FREM1: variants seen among roughly 807,000 people sequenced by gnomAD.
FREM1 encodes FRAS1-related extracellular matrix protein 1.
Under a neutral mutation model 210.1 loss-of-function variants are expected in FREM1, and 220 were observed. The observed-to-expected ratio is 1.05, with a 90% CI of 0.94 to 1.17. The LOEUF is 1.17. Among genes scored for constraint, FREM1 ranks in the 50% most tolerant of loss-of-function variants. FREM1 has a pLI of 0.00. For synonymous variants in FREM1, 1,189 were observed against 980.2 expected (o/e 1.21, Z -3.98); for missense variants, 3,454 against 2,675.5 (o/e 1.29, Z -6.42).
At chr9:14,799,047 T>C (rs1270286078) in intron 20 of FREM1, among the ~76,000 whole-genome samples, 1 of 151,726 alleles carries the variant, frequency 6.6e-6, no homozygotes, top group African/African-American at 2.4e-5. Context: ...GGAAGGCGAG[T>C]GCAGGAAAAT....
intron 24 of FREM1, chr9:14,782,329 C>A: frequency 3.1e-6 from 3 of 977,610 alleles, no homozygotes; most frequent in South Asian, 4.7e-5. Flanking sequence ...TCGTTTCATA[C>A]GGAGGTTTTG....
At chr9:14,806,878 A>G (rs1480014370) in intron 17 of FREM1, 32 bp from the exon 18 acceptor site, 4 of 1,437,406 alleles carry the variant, frequency 2.8e-6, no homozygotes, top group Non-Finnish European at 1.9e-6. Flanking sequence ...ATTACAACTT[A>G]GCATGAAATC....
At chr9:14,780,350 G>T (rs1849446570) in intron 24 of FREM1, among the ~76,000 whole-genome samples, 1 of 148,348 alleles carries the variant, frequency 6.7e-6, no homozygotes, top group South Asian at 2.2e-4. Context: ...GCATTGCCTG[G>T]CAATAGAGTT....
intron 21 of FREM1, among the ~76,000 whole-genome samples, chr9:14,794,397 C>T (rs1309349222): frequency 6.6e-6 from 1 of 152,200 alleles, no homozygotes; most frequent in Non-Finnish European, 1.5e-5. Flanking sequence ...AGGTTAAGGG[C>T]TGTCCCCAGA....
Position 14,836,964 on chromosome 9 carries a change from G to C in FREM1, c.1881+4483C>G, listed in dbSNP as rs1824743491. ...CCTTGGGTAGTTTTCGTCTTTTAAAGCATATCCGGAAAAGTTTCTTGTAAA... is the reference window on the plus strand; with the variant it reads ...CCTTGGGTAGTTTTCGTCTTTTAAACCATATCCGGAAAAGTTTCTTGTAAA... On this transcript the variant is annotated intron_variant, in intron 10 of 36. Transcript: ENST00000380880. The surrounding 1 kb of genome is among the most constrained non-coding windows in gnomAD (Gnocchi z 4.9). 6.6e-6 allele frequency among the ~76,000 whole-genome samples: 1 copy of C among 152,182 alleles called. No homozygotes were observed. The highest frequency in any genetic ancestry group is 2.1e-4 in the South Asian group (1 of 4,828).
At chr9:14,792,462 G>A (rs1409925276) in intron 22 of FREM1, among the ~76,000 whole-genome samples, 1 of 152,152 alleles carries the variant, frequency 6.6e-6, no homozygotes, top group Non-Finnish European at 1.5e-5. Flanking sequence ...TCCTCAGAAA[G>A]CAGACAGCTT....
chr9:14,854,425 G>T (rs1325350145), intron 5 of FREM1, among the ~76,000 whole-genome samples: 1 of 152,014 alleles, frequency 6.6e-6, no homozygotes. Flanking sequence ...AGATTAAAAG[G>T]AAAAGGGTGA....
At chr9:14,833,017 T>A (rs1427285786) in intron 10 of FREM1, among the ~76,000 whole-genome samples, 1 of 152,166 alleles carries the variant, frequency 6.6e-6, no homozygotes, top group Non-Finnish European at 1.5e-5. Context: ...TTGTTTCATG[T>A]CCTTAGGAAC....
At chr9:14,894,383 A>C (rs1837343413) in intron 1 of FREM1, among the ~76,000 whole-genome samples, 1 of 152,238 alleles carries the variant, frequency 6.6e-6, no homozygotes, top group Non-Finnish European at 1.5e-5. Flanking sequence ...TCATCCACTG[A>C]CAATTGTTGT....
chr9:14,894,263 A>G (rs1837327892), intron 1 of FREM1, among the ~76,000 whole-genome samples: 1 of 152,244 alleles, frequency 6.6e-6, no homozygotes, highest in African/African-American at 2.4e-5. Flanking sequence ...ATGACTCAGC[A>G]TATGTTATTA....
chr9:14,785,406 T>A (rs1850264542), intron 23 of FREM1, among the ~76,000 whole-genome samples: 1 of 152,254 alleles, frequency 6.6e-6, no homozygotes, highest in Admixed American at 6.5e-5. Flanking sequence ...AAGATGTCTA[T>A]TGTTAATATT....
intron 36 of FREM1, among the ~76,000 whole-genome samples, chr9:14,738,982 C>A (rs1840923029): frequency 7.9e-6 from 1 of 126,370 alleles, no homozygotes; most frequent in Non-Finnish European, 1.6e-5. Flanking sequence ...TCTACTCCAG[C>A]CTGGGTGACA....
At chr9:14,883,632 TTTTAA>T (rs1835220601) in intron 1 of FREM1, among the ~76,000 whole-genome samples, 1 of 152,202 alleles carries the variant, frequency 6.6e-6, no homozygotes. Context: ...ATGATGGGTC[TTTTAA>T]CACCTCAAAA....
chr9:14,797,420 A>T, intron 21 of FREM1, 78 bp downstream of exon 21: 1 of 1,197,802 alleles, frequency 8.3e-7, no homozygotes, highest in Non-Finnish European at 1.1e-6. Flanking sequence ...TGGGAGACAC[A>T]CACACACCTG....
In FREM1 at chr9:14,746,353, T is replaced by G; in HGVS notation, c.6254A>C (p.Gln2085Pro). The change falls in exon 35 of 37, where the codon CAA (glutamine) becomes CCA (proline). Residue 2085 changes from glutamine to proline, a missense_variant and splice_region_variant. Coordinates refer to ENST00000380880, the MANE Select transcript of FREM1 (RefSeq NM_001379081.2). ...TCAAATGTGCAATAGGGTGCCTTAC[T>G]GTTCCCTGCAAGCTTGGGCAGCCGC... is the stretch of plus-strand genomic sequence containing the variant. ...WNAAAQACREQYLGNLVTVFS... is the reference protein window; with the variant it reads ...WNAAAQACREPYLGNLVTVFS... 6.2e-7 allele frequency: 1 copy of G among 1,610,236 alleles called. No homozygotes were observed. The highest frequency in any genetic ancestry group is 8.5e-7 in the Non-Finnish European group (1 of 1,176,528).
intron 14 of FREM1, among the ~76,000 whole-genome samples, chr9:14,817,093 T>C (rs753041623): frequency 1.3e-5 from 2 of 152,238 alleles, no homozygotes; most frequent in Non-Finnish European, 2.9e-5. Flanking sequence ...ATGTGTTATA[T>C]GCATTTCTAA....
At position 14,859,361 on chromosome 9, in the gene FREM1, G is replaced by C; in HGVS notation, c.453C>G (p.Ser151=). The change falls in exon 4 of 37, where the codon TCC becomes TCG. Residue 151 remains serine, a synonymous_variant. Coordinates refer to ENST00000380880, the MANE Select transcript of FREM1 (RefSeq NM_001379081.2). ...TGAGCAGATTTTTATCAATCGCTTG[G>C]GACAAGCCATTGAATTCAGGCACCT... The part of the protein sequence containing the change: ...VLEVPEFNGL[S]QAIDKNLLRF... 6.2e-7 allele frequency: 1 copy of C among 1,613,820 alleles called. No individual in the cohort carries two copies. The highest frequency in any genetic ancestry group is 1.1e-5 in the South Asian group (1 of 91,068).
chr9:14,776,501 G>C (rs982408395), intron 24 of FREM1, among the ~76,000 whole-genome samples: 1 of 152,148 alleles, frequency 6.6e-6, no homozygotes, highest in African/African-American at 2.4e-5. Context: ...GCTTAATGTG[G>C]TTCCTTGACG....
At chr9:14,774,008 C>G in intron 25 of FREM1, 1 of 485,294 alleles carries the variant, frequency 2.1e-6, no homozygotes, top group South Asian at 1.6e-5. Flanking sequence ...TGACTAAGAT[C>G]AATTAAAACA....
Sources: allele counts gnomAD v4.1 joint callset (sites outside exome capture counted in the v4.1 genomes callset), GRCh38; gene constraint gnomAD v4.1.1; non-coding constraint Gnocchi (gnomAD v3.1); transcripts MANE v1.5; gene names NCBI Gene and HGNC (gene_info 2026-07-23, HGNC 2026-07-21).